The following SFI1 variants were observed in gnomAD, a reference collection of about 807,000 sequenced individuals.
The protein encoded by SFI1 is SFI1 centrin binding protein, also known as protein SFI1 homolog.
SFI1 carries 195 observed loss-of-function variants against 207.5 expected under a neutral mutation model. That is an observed-to-expected ratio of 0.94 (90% CI 0.84 to 1.06). The LOEUF is 1.06. SFI1 is among the 50% of genes least tolerant of loss of function. The pLI is 0.00. For synonymous variants in SFI1, 630 were observed against 598.9 expected (o/e 1.05, Z -0.76); for missense variants, 1,634 against 1,588.0 (o/e 1.03, Z -0.49).
intron 4 of SFI1, chr22:31,538,352 T>G (rs756068755): frequency 6.6e-6 from 1 of 152,076 alleles, no homozygotes; most frequent in Non-Finnish European, 1.5e-5. Flanking sequence ...ACACAGTTTC[T>G]TAACGGGTTT....
At chr22:31,575,475 A>G in intron 10 of SFI1, 83 bp downstream of exon 10, 1 of 1,369,298 alleles carries the variant, frequency 7.3e-7, no homozygotes, top group East Asian at 2.5e-5. Context: ...AAGTCATGAG[A>G]TACATGGGAA....
chr22:31,583,432 G>A (rs573280276), intron 12 of SFI1, among the ~76,000 whole-genome samples: 1 of 152,046 alleles, frequency 6.6e-6, no homozygotes, highest in Non-Finnish European at 1.5e-5. Context: ...TTATGTTATT[G>A]ATTTATCTGA....
At chr22:31,496,934 C>T (rs568365063) in intron 1 of SFI1, among the ~76,000 whole-genome samples, 1 of 152,216 alleles carries the variant, frequency 6.6e-6, no homozygotes, top group Non-Finnish European at 1.5e-5. Flanking sequence ...GCGTCTAGTG[C>T]GCTCCTGGCC....
intron 24 of SFI1, 192 bp from the exon 25 acceptor site, chr22:31,612,950 C>T: frequency 1.7e-6 from 1 of 595,524 alleles, no homozygotes; most frequent in South Asian, 2.2e-5. Context: ...TCATGAAGGT[C>T]ATTCCTCAGG....
Position 31,533,491 on chromosome 22 carries a change from C to G in SFI1, c.338+2362C>G, listed in dbSNP as rs1360300756. Among the ~76,000 whole-genome samples the G allele has an allele frequency of 3.3e-5, 5 of 152,110 alleles. No individual in the cohort carries two copies. The East Asian group carries it at 9.6e-4, about 29-fold the overall frequency. On this transcript the variant is annotated intron_variant, in intron 4 of 32. Coordinates refer to ENST00000400288, the MANE Select transcript of SFI1 (RefSeq NM_001007467.3). ...GTTGCAGTGAGCCGAGATCATGTGA[C>G]TGTACTCCAGCCTGAGCAACAGAGA...
chr22:31,533,510 A>G (rs1201026795), intron 4 of SFI1, among the ~76,000 whole-genome samples: 4 of 152,174 alleles, frequency 2.6e-5, no homozygotes, highest in Admixed American at 1.3e-4. Flanking sequence ...AGCCTGAGCA[A>G]CAGAGAATCT....
intron 15 of SFI1, among the ~76,000 whole-genome samples, chr22:31,595,786 T>G (rs1202237450): frequency 6.6e-6 from 1 of 152,150 alleles, no homozygotes; most frequent in Admixed American, 6.5e-5. Context: ...AGGCCCAGAC[T>G]GAAGAGATTG....
intron 14 of SFI1, among the ~76,000 whole-genome samples, chr22:31,589,194 G>A (rs569239147): frequency 9.3e-6 from 1 of 107,392 alleles, no homozygotes; most frequent in African/African-American, 3.5e-5. Context: ...GTGAGTGAGA[G>A]TGTGTGTATG....
intron 12 of SFI1, 51 bp downstream of exon 12, chr22:31,580,415 T>G (rs750831663): frequency 6.8e-7 from 1 of 1,476,182 alleles, no homozygotes; most frequent in South Asian, 1.2e-5. Context: ...CCATTCTCTC[T>G]CGCTCTTTTT....
chr22:31,587,904 G>A (rs1372101647), intron 14 of SFI1: 1 of 152,218 alleles, frequency 6.6e-6, no homozygotes, highest in African/African-American at 2.4e-5. Context: ...CATGACATTT[G>A]ATGGGTAAGC....
At chr22:31,540,628 T>C (rs2059395495) in intron 4 of SFI1, among the ~76,000 whole-genome samples, 2 of 150,720 alleles carry the variant, frequency 1.3e-5, no homozygotes, top group African/African-American at 4.9e-5. Context: ...TTACCCAGGC[T>C]GGAGTGCAAT....
chr22:31,522,040 C>G (rs2057335274), intron 2 of SFI1, among the ~76,000 whole-genome samples: 1 of 138,972 alleles, frequency 7.2e-6, no homozygotes, highest in Non-Finnish European at 1.5e-5. Context: ...GCTAGGATTA[C>G]AAGTGTGAGC....
intron 6 of SFI1, among the ~76,000 whole-genome samples, chr22:31,553,601 G>T (rs2060835108): frequency 7.2e-6 from 1 of 139,460 alleles, no homozygotes; most frequent in South Asian, 2.2e-4. Context: ...TGGAACTCCT[G>T]ACCTCAGGGG....
chr22:31,498,298 A>C (rs1194189340), intron 1 of SFI1, among the ~76,000 whole-genome samples: 1 of 151,584 alleles, frequency 6.6e-6, no homozygotes, highest in Non-Finnish European at 1.5e-5. Flanking sequence ...ACTCCATATC[A>C]AAAAAATATA....
intron 12 of SFI1, among the ~76,000 whole-genome samples, chr22:31,581,351 C>G (rs774360268): frequency 6.7e-6 from 1 of 150,224 alleles, no homozygotes; most frequent in African/African-American, 2.5e-5. Flanking sequence ...TGCAGTGGTG[C>G]GATCTCAACT....
intron 4 of SFI1, among the ~76,000 whole-genome samples, chr22:31,544,062 G>A (rs1224857367): frequency 6.6e-6 from 1 of 151,984 alleles, no homozygotes; most frequent in African/African-American, 2.4e-5. Flanking sequence ...GGTGGCGTGT[G>A]CCTGGAGTCA....
At chr22:31,583,126 T>C (rs1201329524) in intron 12 of SFI1, among the ~76,000 whole-genome samples, 2 of 152,114 alleles carry the variant, frequency 1.3e-5, no homozygotes, top group Non-Finnish European at 2.9e-5. Context: ...TTTGTTTGTT[T>C]GTTTGAGATG....
At chr22:31,564,714 T>G (rs1260358456) in intron 8 of SFI1, among the ~76,000 whole-genome samples, 1 of 151,704 alleles carries the variant, frequency 6.6e-6, no homozygotes, top group Non-Finnish European at 1.5e-5. Flanking sequence ...CTCACCATGT[T>G]GCCCAGGCTG....
At position 31,613,939 on chromosome 22, in the gene SFI1, C is replaced by A; in HGVS notation, c.2996+84C>A. ...ATAGCAGGGAGGAAAACAGCCCTGA[C>A]GGGATGGGACGGGCTGGTCACGGCC... On this transcript the variant is annotated intron_variant, in intron 27 of 32. Coordinates refer to ENST00000400288, the MANE Select transcript of SFI1 (RefSeq NM_001007467.3). 6.2e-6 allele frequency: 9 copies of A among 1,453,542 alleles called. No homozygotes were observed. The South Asian group carries it at 1.3e-4, about 21-fold the overall frequency. 90.0% of individuals were successfully genotyped at this position (1,453,542 alleles called of 1,614,324 possible). A position where few individuals can be genotyped will look rare whatever the true frequency, so the allele number is the denominator to read the frequency against.
Sources: allele counts gnomAD v4.1 joint callset (sites outside exome capture counted in the v4.1 genomes callset), GRCh38; gene constraint gnomAD v4.1.1; transcripts MANE v1.5; gene names NCBI Gene and HGNC (gene_info 2026-07-23, HGNC 2026-07-21).